DLG2: variants seen among roughly 807,000 people sequenced by gnomAD.
The protein encoded by DLG2 is disks large homolog 2.
Under a neutral mutation model 132.5 loss-of-function variants are expected in DLG2, and 45 were observed. The ratio of observed to expected loss-of-function variants is 0.34; its 90% confidence interval spans 0.27 to 0.44. The LOEUF (loss-of-function observed/expected upper bound fraction) is 0.44. Ranked by LOEUF, DLG2 falls within the 20% of genes least tolerant of loss-of-function variation. DLG2 has a pLI of 1.00. For synonymous variants in DLG2, 424 were observed against 419.6 expected (o/e 1.01, Z -0.13); for missense variants, 1,045 against 1,196.9 (o/e 0.87, Z 1.87).
At chr11:85,402,812 GAATGTCGATCATTAA>G in intron 3 of DLG2, among the ~76,000 whole-genome samples, 1 of 152,314 alleles carries the variant, frequency 6.6e-6, no homozygotes, top group South Asian at 2.1e-4. Flanking sequence ...ACGCCAGTTA[GAATGTCGATCATTAA>G]AAAGTCAGTA....
chr11:84,581,420 G>C (rs1034585279), intron 6 of DLG2, among the ~76,000 whole-genome samples: 1 of 152,050 alleles, frequency 6.6e-6, no homozygotes, highest in African/African-American at 2.4e-5. Flanking sequence ...TATATATACA[G>C]ATGTTCATTT....
intron 7 of DLG2, among the ~76,000 whole-genome samples, chr11:84,334,136 T>A (rs950023423): frequency 1.3e-5 from 2 of 152,184 alleles, no homozygotes; most frequent in African/African-American, 4.8e-5. Context: ...AAAATGAGAA[T>A]TATTCTCAAA....
intron 7 of DLG2, among the ~76,000 whole-genome samples, chr11:84,443,290 T>G (rs904867921): frequency 5.5e-4 from 84 of 151,902 alleles, no homozygotes; most frequent in African/African-American, 2.0e-3. Flanking sequence ...TTCAGATTAA[T>G]TTTTTAAGAA....
In DLG2 at chr11:83,711,823, T is replaced by C. The variant is rs373416046; in HGVS notation, c.1825+74867A>G. ...TACTAGGTCACCTGAGAGCTTGCTA[T>C]AATCATTTTAGACTCTACTTGGTGA... On this transcript the variant is annotated intron_variant, in intron 18 of 27. Transcript: ENST00000376104. 1.4e-4 allele frequency among the ~76,000 whole-genome samples: 19 copies of C among 132,526 alleles called. 1 individual carries two copies. In the East Asian group the frequency reaches 3.6e-3, roughly 25 times the overall value. 86.9% of individuals were successfully genotyped at this position (132,526 alleles called of 152,430 possible). A position where few individuals can be genotyped will look rare whatever the true frequency, so the allele number is the denominator to read the frequency against.
intron 24 of DLG2, among the ~76,000 whole-genome samples, chr11:83,470,974 G>A (rs2091950586): frequency 6.6e-6 from 1 of 151,752 alleles, no homozygotes; most frequent in African/African-American, 2.4e-5. Flanking sequence ...CGGGGTGAAT[G>A]AGTGGAGAAA....
chr11:83,937,647 C>T (rs1052785818), intron 14 of DLG2, among the ~76,000 whole-genome samples: 1 of 151,612 alleles, frequency 6.6e-6, no homozygotes, highest in African/African-American at 2.4e-5. Context: ...AATGCAATAA[C>T]ATTTTAGTAA....
At chr11:85,342,573 A>G (rs2082572932) in intron 3 of DLG2, among the ~76,000 whole-genome samples, 3 of 152,242 alleles carry the variant, frequency 2.0e-5, no homozygotes, top group Admixed American at 6.5e-5. Flanking sequence ...ACTCTAAAAA[A>G]TGATTTAAAA....
rs531308213 is a variant in DLG2 at position 85,582,462 on chromosome 11, A to G, written c.40+16195T>C. Among the ~76,000 whole-genome samples the G allele has an allele frequency of 9.2e-5, 14 of 152,104 alleles. 1 individual carries two copies. The highest frequency in any genetic ancestry group is 3.1e-4 in the African/African-American group (13 of 41,486). ...TAGGCAATCAAGGAACAGATCCAAA[A>G]ACTACATAATCCACAAAGACAAAAT... On this transcript the variant is annotated intron_variant, in intron 3 of 27. Coordinates refer to ENST00000376104, the MANE Select transcript of DLG2 (RefSeq NM_001142699.3).
intron 3 of DLG2, among the ~76,000 whole-genome samples, chr11:85,465,412 G>A (rs911656983): frequency 7.2e-5 from 11 of 151,930 alleles, no homozygotes; most frequent in East Asian, 1.9e-4. Flanking sequence ...CCAGTAACTC[G>A]TCATTTAACA....
rs1292541386 is a variant in DLG2, at chr11:83,578,965, G to C, written c.1941-37107C>G. Among the ~76,000 whole-genome samples the C allele has an allele frequency of 2.0e-5, 3 of 152,208 alleles. No individual in the cohort carries two copies. In the East Asian group the frequency reaches 5.8e-4, roughly 29 times the overall value. ...GAGCATTCAAGACCTGCCTAGTATA[G>C]AATATTTGCTTCCCCACTGTGTTTT... On this transcript the variant is annotated intron_variant, in intron 19 of 27. Transcript: ENST00000376104.
chr11:85,287,276 C>A (rs2078617166), intron 3 of DLG2, among the ~76,000 whole-genome samples: 1 of 151,662 alleles, frequency 6.6e-6, no homozygotes, highest in East Asian at 1.9e-4. Context: ...AGCACACAGA[C>A]AAAGGAACAG....
intron 6 of DLG2, among the ~76,000 whole-genome samples, chr11:84,910,512 C>T (rs1040600367): frequency 1.3e-5 from 2 of 152,080 alleles, no homozygotes; most frequent in African/African-American, 4.8e-5. Flanking sequence ...TACAGACAGA[C>T]ACAAATAACA....
intron 8 of DLG2, among the ~76,000 whole-genome samples, chr11:84,213,153 G>A (rs560673146): frequency 7.2e-5 from 11 of 152,278 alleles, no homozygotes; most frequent in Admixed American, 3.3e-4. Context: ...TTAAGAGTTA[G>A]GTCAGAGGAA....
chr11:84,874,416 G>A (rs2085986502), intron 6 of DLG2, among the ~76,000 whole-genome samples: 2 of 152,162 alleles, frequency 1.3e-5, no homozygotes, highest in South Asian at 4.1e-4. Flanking sequence ...GAAGAGCAGT[G>A]AGGCTGCAGT....
chr11:84,320,838 G>T (rs925051549), intron 7 of DLG2, among the ~76,000 whole-genome samples: 2 of 152,146 alleles, frequency 1.3e-5, no homozygotes, highest in Non-Finnish European at 2.9e-5. Context: ...GGATTTGGGT[G>T]AGTGTTGATG....
chr11:84,344,769 A>G (rs954891545), intron 7 of DLG2, among the ~76,000 whole-genome samples: 5 of 152,230 alleles, frequency 3.3e-5, no homozygotes, highest in African/African-American at 1.2e-4. Flanking sequence ...TACTCAAGTT[A>G]CCAAAATTTC....
intron 3 of DLG2, among the ~76,000 whole-genome samples, chr11:85,490,849 A>T (rs2093542502): frequency 6.6e-6 from 1 of 152,124 alleles, no homozygotes; most frequent in Admixed American, 6.5e-5. Context: ...AAAAGTACAA[A>T]GAAAAACTAA....
intron 19 of DLG2, among the ~76,000 whole-genome samples, chr11:83,574,060 A>G (rs2096838848): frequency 6.6e-6 from 1 of 152,212 alleles, no homozygotes. Context: ...AGCCTGGCAC[A>G]TAATAAGCAT....
chr11:84,576,329 T>C (rs964187886), intron 6 of DLG2, among the ~76,000 whole-genome samples: 3 of 152,228 alleles, frequency 2.0e-5, no homozygotes, highest in African/African-American at 7.2e-5. Context: ...TCAATCTTTC[T>C]CTATAAAGAA....
Sources: gnomAD v4.1 joint callset for allele counts (sites outside exome capture counted in the v4.1 genomes callset) on GRCh38, gnomAD v4.1.1 for gene constraint, MANE v1.5 for transcripts, NCBI Gene and HGNC (gene_info 2026-07-23, HGNC 2026-07-21) for gene names.